Variants in ABCA12 observed in about 807,000 individuals in gnomAD.
ABCA12 encodes the protein ATP binding cassette subfamily A member 12.
Under a neutral mutation model 293.5 loss-of-function variants are expected in ABCA12, and 156 were observed. That is an observed-to-expected ratio of 0.53 (90% CI 0.47 to 0.61). The LOEUF (loss-of-function observed/expected upper bound fraction) is 0.61, where lower values mean the gene tolerates loss of function less well. Among genes scored for constraint, ABCA12 ranks in the 20% least tolerant of loss-of-function variants. The probability of loss-of-function intolerance (pLI) is 0.00; values close to 1 mark genes in which losing one functional copy is unlikely to be tolerated. For synonymous variants in ABCA12, 1,063 were observed against 1,108.0 expected (o/e 0.96, Z 0.81); for missense variants, 2,797 against 3,090.2 (o/e 0.91, Z 2.25).
intron 28 of ABCA12, among the ~76,000 whole-genome samples, chr2:214,985,783 A>G (rs1376478372): frequency 1.3e-5 from 2 of 152,194 alleles, no homozygotes; most frequent in African/African-American, 2.4e-5. Context: ...TTTTTCTCAA[A>G]CAAGGGCTCG....
intron 2 of ABCA12, among the ~76,000 whole-genome samples, chr2:215,092,617 C>T (rs1304498928): frequency 6.6e-6 from 1 of 152,150 alleles, no homozygotes; most frequent in African/African-American, 2.4e-5. Flanking sequence ...AGCTTGTTAT[C>T]ACTCACCTGT....
chr2:215,108,830 G>A (rs1195413486), intron 2 of ABCA12, among the ~76,000 whole-genome samples: 1 of 152,206 alleles, frequency 6.6e-6, no homozygotes, highest in African/African-American at 2.4e-5. Flanking sequence ...AGCATTTTGG[G>A]AGGCCGAGGC....
At chr2:215,059,599 G>A (rs529826491) in intron 3 of ABCA12, among the ~76,000 whole-genome samples, 30 of 152,048 alleles carry the variant, frequency 2.0e-4, no homozygotes, top group African/African-American at 7.2e-4. Context: ...GTTAGTTATA[G>A]TATATAGTGA....
chr2:215,045,611 G>A (rs989557697), intron 7 of ABCA12, among the ~76,000 whole-genome samples: 1 of 152,156 alleles, frequency 6.6e-6, no homozygotes, highest in African/African-American at 2.4e-5. Flanking sequence ...CAACAGTTAG[G>A]ATCAGTTCCT....
chr2:215,046,803 G>T (rs1701212433), intron 6 of ABCA12, among the ~76,000 whole-genome samples: 1 of 151,874 alleles, frequency 6.6e-6, no homozygotes, highest in Non-Finnish European at 1.5e-5. Context: ...ATTCATAATA[G>T]CAAAGACATG....
At chr2:214,949,262 C>CCAGAGATTTATTTT in intron 45 of ABCA12, 113 bp from the exon 46 acceptor site, 1 of 809,156 alleles carries the variant, frequency 1.2e-6, no homozygotes, top group South Asian at 1.4e-5. Context: ...AAAAATAAAT[C>CCAGAGATTTATTTT]TCTGGAATTA....
chr2:215,051,681 G>A (rs961230442), intron 5 of ABCA12, among the ~76,000 whole-genome samples: 2 of 141,078 alleles, frequency 1.4e-5, no homozygotes, highest in Non-Finnish European at 3.1e-5. Context: ...AGAAAGGTGA[G>A]TGGGAGAGAG....
At chr2:215,089,159 T>G (rs989313337) in intron 2 of ABCA12, among the ~76,000 whole-genome samples, 25 of 152,130 alleles carry the variant, frequency 1.6e-4, no homozygotes, top group African/African-American at 5.8e-4. Context: ...ACCCACTTTT[T>G]GTTGAATTAG....
In ABCA12 at chr2:214,934,162, G is replaced by A. The variant is rs372152172; in HGVS notation, c.7596C>T (p.Val2532=). 20 of 1,613,700 alleles carry A rather than the reference G, an allele frequency of 1.2e-5. No individual in the cohort carries two copies. The highest frequency in any genetic ancestry group is 1.1e-4 in the East Asian group (5 of 44,856). ...EYHVPVTAGG[V]ANIFDLLETN... Reference sequence around the variant, plus strand: ...TTTCCAGCAGATCAAAAATGTTTGCGACTCCTCCTGCTGTGACTGGTACAT... The same window carrying A: ...TTTCCAGCAGATCAAAAATGTTTGCAACTCCTCCTGCTGTGACTGGTACAT... The change falls in exon 52 of 53, where the codon GTC becomes GTT. Residue 2532 remains valine, a synonymous_variant. Coordinates refer to ENST00000272895, the MANE Select transcript of ABCA12 (RefSeq NM_173076.3).
At chr2:215,027,459 T>C (rs1700774817) in intron 9 of ABCA12, among the ~76,000 whole-genome samples, 1 of 152,234 alleles carries the variant, frequency 6.6e-6, no homozygotes, top group African/African-American at 2.4e-5. Context: ...GCCTTTTCTA[T>C]GTGTACTATC....
intron 50 of ABCA12, among the ~76,000 whole-genome samples, chr2:214,941,242 A>G (rs756533363): frequency 1.3e-5 from 2 of 152,260 alleles, no homozygotes; most frequent in Non-Finnish European, 2.9e-5. Context: ...ATTCAGGAGC[A>G]GGTTGTTCAG....
chr2:215,108,291 C>A (rs1702503603), intron 2 of ABCA12, among the ~76,000 whole-genome samples: 1 of 152,172 alleles, frequency 6.6e-6, no homozygotes, highest in African/African-American at 2.4e-5. Context: ...CATTGGAATG[C>A]ACTTACTCCC....
chr2:215,001,111 A>G lies in ABCA12; in HGVS notation c.2864-91T>C, dbSNP rs537075408. On this transcript the variant is annotated intron_variant, in intron 21 of 52. Transcript: ENST00000272895. ...GAGTACACAGAGGGGACAGCCAAACAGTCAATTGAGTTAGTAATGTGACAG... is the reference window on the plus strand; with the variant it reads ...GAGTACACAGAGGGGACAGCCAAACGGTCAATTGAGTTAGTAATGTGACAG... 52 of 1,226,808 alleles carry G rather than the reference A, an allele frequency of 4.2e-5. No individual in the cohort carries two copies. In the East Asian group the frequency reaches 1.2e-3, roughly 28 times the overall value. The allele number at this position is 1,226,808 out of a possible 1,614,324, so 76.0% of individuals were successfully genotyped here. A position where few individuals can be genotyped will look rare whatever the true frequency, so the allele number is the denominator to read the frequency against.
intron 11 of ABCA12, chr2:215,025,218 CTAAT>C (rs1700711256): frequency 6.5e-6 from 1 of 154,180 alleles, no homozygotes; most frequent in Admixed American, 6.5e-5. Context: ...TGTGCATACT[CTAAT>C]TAGGCTCTTT....
rs146132376 is a variant in ABCA12 at position 215,043,338 on chromosome 2, C to G, written c.872+2499G>C. Among the ~76,000 whole-genome samples, 900 of 152,184 alleles carry G rather than the reference C, an allele frequency of 5.9e-3. 14 individuals carry two copies. The highest frequency in any genetic ancestry group is 0.035 in the South Asian group (167 of 4,828). ...AGCTATTTTCATTATTATGCAGACT[C>G]TTTTACATATATAATCATTACTTGA... On this transcript the variant is annotated intron_variant, in intron 7 of 52. Coordinates refer to ENST00000272895, the MANE Select transcript of ABCA12 (RefSeq NM_173076.3).
intron 34 of ABCA12, 56 bp downstream of exon 34, chr2:214,975,721 AGGTACAAC>A (rs1338603125): frequency 6.2e-6 from 10 of 1,600,012 alleles, no homozygotes; most frequent in Non-Finnish European, 8.6e-6. Flanking sequence ...GCCTTCATTC[AGGTACAAC>A]CACACTCCTG....
intron 3 of ABCA12, among the ~76,000 whole-genome samples, chr2:215,055,676 GTTCCAGGGTAC>G (rs1159878285): frequency 6.6e-6 from 1 of 150,414 alleles, no homozygotes; most frequent in African/African-American, 2.5e-5. Flanking sequence ...CTGAATCCTA[GTTCCAGGGTAC>G]TTTGTGTTTA....
At chr2:214,999,779 A>C (rs1700103091) in intron 22 of ABCA12, 1 of 984,416 alleles carries the variant, frequency 1.0e-6, no homozygotes, top group Admixed American at 6.1e-5. Flanking sequence ...CACTTGATGG[A>C]CTCCTTACCT....
intron 3 of ABCA12, among the ~76,000 whole-genome samples, chr2:215,060,203 G>A (rs76225711): frequency 1.4e-3 from 209 of 152,096 alleles, no homozygotes; most frequent in East Asian, 4.5e-3. Flanking sequence ...AGCAGTTTAC[G>A]TGTTATCTTG....
Sources: gnomAD v4.1 joint callset for allele counts (sites outside exome capture counted in the v4.1 genomes callset) on GRCh38, gnomAD v4.1.1 for gene constraint, MANE v1.5 for transcripts, NCBI Gene and HGNC (gene_info 2026-07-23, HGNC 2026-07-21) for gene names.